Variants in KDSR observed in about 807,000 individuals in gnomAD.
KDSR encodes the protein 3-ketodihydrosphingosine reductase, also known as 3-dehydrosphinganine reductase.
Under a neutral mutation model 41.3 loss-of-function variants are expected in KDSR, and 23 were observed. The ratio of observed to expected loss-of-function variants is 0.56; its 90% CI spans 0.40 to 0.79. KDSR has a LOEUF of 0.79. KDSR is among the 30% of genes least tolerant of loss of function. KDSR has a pLI of 0.00. For synonymous variants in KDSR, 138 were observed against 151.7 expected, an observed-to-expected ratio of 0.91 and a Z score of 0.66; for missense variants, 351 against 416.8, an observed-to-expected ratio of 0.84 and a Z score of 1.37.
In KDSR at chr18:63,331,711, A is replaced by G. The variant is rs1914006152; in HGVS notation, c.*71T>C. The G allele has an allele frequency of 1.9e-6, 3 of 1,544,480 alleles. No homozygotes were observed. In the Admixed American group the frequency reaches 5.4e-5, roughly 28 times the overall value. The stretch of plus-strand genomic sequence containing the variant: ...CAATACATAAGTGTCTATAGGCCAA[A>G]AATTGGGTCCCATTTAGCAGCAAGC... On this transcript the variant is annotated 3_prime_UTR_variant, in exon 10 of 10. Transcript: ENST00000645214.
intron 5 of KDSR, among the ~76,000 whole-genome samples, chr18:63,352,410 G>A (rs1167102925): frequency 6.6e-6 from 1 of 152,156 alleles, no homozygotes; most frequent in Non-Finnish European, 1.5e-5. Flanking sequence ...TGCCTCCTGG[G>A]TTCAAGCGAT....
rs952294892 is a variant in KDSR at position 63,355,676 on chromosome 18, T to C, written c.256-113A>G. The C allele has an allele frequency of 4.4e-6, 6 of 1,359,650 alleles. No homozygotes were observed. The African/African-American group carries it at 9.0e-5, about 20-fold the overall frequency. The allele number at this position is 1,359,650 out of a possible 1,614,324, so 84.2% of individuals were successfully genotyped here. A position where few individuals can be genotyped will look rare whatever the true frequency, so the allele number is the denominator to read the frequency against. ...AATACAGAAGGAAGCCAATATTGAATGAACAGATTTCAGTGTTTGCTGATG... is the reference window on the plus strand; with the variant it reads ...AATACAGAAGGAAGCCAATATTGAACGAACAGATTTCAGTGTTTGCTGATG... On this transcript the variant is annotated intron_variant, in intron 3 of 9. Coordinates refer to ENST00000645214, the MANE Select transcript of KDSR (RefSeq NM_002035.4).
intron 8 of KDSR, 82 bp from the exon 9 acceptor site, chr18:63,335,440 G>A: frequency 1.1e-6 from 1 of 928,520 alleles, no homozygotes; most frequent in Non-Finnish European, 1.7e-6. Flanking sequence ...AAACAGTGGA[G>A]TGTGCTCGTT....
Position 63,346,847 on chromosome 18 carries a change from T to C in KDSR, c.610-2354A>G, listed in dbSNP as rs890706697. ...CTAAGAACAAAGCATAAGGTTAAGA[T>C]TCTAGTTTCCTGAAACTCTTGGTCA... is the stretch of plus-strand genomic sequence containing the variant. On this transcript the variant is annotated intron_variant, in intron 6 of 9. Transcript: ENST00000645214. Among the ~76,000 whole-genome samples the C allele has an allele frequency of 3.3e-5, 5 of 152,322 alleles. 1 individual carries two copies. Among genetic ancestry groups the C allele is most frequent in the Admixed American group, 6.5e-5 (1 of 15,298 alleles).
At position 63,350,906 on chromosome 18, in the gene KDSR, T is replaced by C. The variant is rs766101689; in HGVS notation, c.591A>G (p.Ala197=). 6.8e-6 allele frequency: 11 copies of C among 1,612,664 alleles called. No individual in the cohort carries two copies. The Admixed American group carries it at 1.8e-4, about 27-fold the overall frequency. ...SASKFAIRGL[A]EALQMEVKPY... Reference sequence around the variant, plus strand: ...CTTTTACCTCCATCTGCAAAGCTTCTGCCAATCCCCTTATGGCAAACTTGG... The same window carrying C: ...CTTTTACCTCCATCTGCAAAGCTTCCGCCAATCCCCTTATGGCAAACTTGG... Residue 197 remains alanine (A), a synonymous_variant, in exon 6 of 10, where the codon GCA becomes GCG. Coordinates refer to ENST00000645214, the MANE Select transcript of KDSR (RefSeq NM_002035.4).
At chr18:63,334,352 C>CTTT (rs71162625) in intron 9 of KDSR, among the ~76,000 whole-genome samples, 6,611 of 143,690 alleles carry the variant, frequency 0.046, 218 homozygotes, top group Non-Finnish European at 0.07. Context: ...GCACTACTAT[C>CTTT]TTTTTTTTTT....
chr18:63,342,026 G>A (rs979172140), intron 7 of KDSR, among the ~76,000 whole-genome samples: 1 of 151,676 alleles, frequency 6.6e-6, no homozygotes, highest in Admixed American at 6.6e-5. Context: ...AAAATCAGCC[G>A]GGCTTGGTGG....
intron 8 of KDSR, 193 bp from the exon 9 acceptor site, chr18:63,335,551 C>T (rs1010336219): frequency 9.3e-6 from 5 of 538,262 alleles, no homozygotes; most frequent in Middle Eastern, 4.9e-4. Context: ...AGTCCACGGA[C>T]CCCTGCGGGC....
intron 1 of KDSR, among the ~76,000 whole-genome samples, chr18:63,364,037 C>T (rs942684733): frequency 6.6e-6 from 1 of 152,164 alleles, no homozygotes; most frequent in Non-Finnish European, 1.5e-5. Flanking sequence ...GGTAATCAGC[C>T]AGTTATCAGC....
intron 1 of KDSR, 121 bp downstream of exon 1, chr18:63,366,890 C>G (rs931141978): frequency 1.7e-5 from 8 of 459,362 alleles, no homozygotes; most frequent in African/African-American, 4.0e-5. Context: ...TGACCTTCCC[C>G]ATTTGGCCAT....
rs1365572302 is a variant in KDSR, at chr18:63,330,461, A to C, written c.*1321T>G. ...TTGCTGTCAAAATCCACTAATGAAC[A>C]CAGATCCTATAACCTGGAAACAACA... On this transcript the variant is annotated 3_prime_UTR_variant, in exon 10 of 10. Coordinates refer to ENST00000645214, the MANE Select transcript of KDSR (RefSeq NM_002035.4). 4.3e-6 allele frequency: 1 copy of C among 230,826 alleles called. No homozygotes were observed. The highest frequency in any genetic ancestry group is 2.2e-5 in the African/African-American group (1 of 45,202). The allele number at this position is 230,826 out of a possible 1,614,324, so 14.3% of individuals were successfully genotyped here.
At chr18:63,356,871 G>T (rs918834509) in intron 3 of KDSR, among the ~76,000 whole-genome samples, 21 of 152,132 alleles carry the variant, frequency 1.4e-4, no homozygotes, top group Admixed American at 1.4e-3. Flanking sequence ...TTCAGAGAAG[G>T]GGGTAAAGAC....
intron 6 of KDSR, among the ~76,000 whole-genome samples, chr18:63,350,149 A>G (rs1914622822): frequency 6.6e-6 from 1 of 152,208 alleles, no homozygotes; most frequent in Non-Finnish European, 1.5e-5. Flanking sequence ...CTTTTTCAGC[A>G]TGTGATTTTT....
chr18:63,340,320 T>C (rs1293101809), intron 7 of KDSR, among the ~76,000 whole-genome samples: 2 of 152,212 alleles, frequency 1.3e-5, no homozygotes, highest in Non-Finnish European at 2.9e-5. Context: ...TTCTTTGAAA[T>C]AGCAGTAATT....
At chr18:63,347,069 C>T (rs1914526206) in intron 6 of KDSR, among the ~76,000 whole-genome samples, 1 of 152,082 alleles carries the variant, frequency 6.6e-6, no homozygotes, top group African/African-American at 2.4e-5. Context: ...TCCCCTGCTG[C>T]CCGGCCACTG....
chr18:63,359,037 T>C (rs1333022007), intron 3 of KDSR, among the ~76,000 whole-genome samples: 1 of 148,412 alleles, frequency 6.7e-6, no homozygotes. Flanking sequence ...AAATTAGCCA[T>C]GCATGATGGC....
In KDSR at chr18:63,330,704, A is replaced by G. The variant is rs770181283; in HGVS notation, c.*1078T>C. On this transcript the variant is annotated 3_prime_UTR_variant, in exon 10 of 10. Transcript: ENST00000645214. The stretch of plus-strand genomic sequence containing the variant: ...TCAGCCTTTCCTAAAAGCTACATAT[A>G]TGCTCCGAGAAAAAGTCACACTTTT... The G allele has an allele frequency of 2.3e-4, 54 of 230,664 alleles. No homozygotes were observed. The highest frequency in any genetic ancestry group is 1.6e-4 in the Non-Finnish European group (19 of 116,592). 14.3% of individuals were successfully genotyped at this position (230,664 alleles called of 1,614,324 possible). A position where few individuals can be genotyped will look rare whatever the true frequency, so the allele number is the denominator to read the frequency against.
At chr18:63,340,083 CT>C (rs765061113) in intron 7 of KDSR, among the ~76,000 whole-genome samples, 29 of 152,166 alleles carry the variant, frequency 1.9e-4, no homozygotes, top group Non-Finnish European at 4.1e-4. Context: ...ATGGCGCCCC[CT>C]AAAGGGCCCA....
intron 9 of KDSR, among the ~76,000 whole-genome samples, chr18:63,333,514 G>A (rs528966282): frequency 1.3e-5 from 2 of 152,236 alleles, no homozygotes; most frequent in Admixed American, 6.5e-5. Context: ...CGCATCCAGG[G>A]GGCCTGAGCA....
Sources: allele counts gnomAD v4.1 joint callset (sites outside exome capture counted in the v4.1 genomes callset), GRCh38; gene constraint gnomAD v4.1.1; transcripts MANE v1.5; gene names NCBI Gene and HGNC (gene_info 2026-07-23, HGNC 2026-07-21).